Variants in RAPGEF5 observed in about 807,000 individuals in gnomAD.
RAPGEF5 encodes the protein M-Ras-regulated GEF.
In RAPGEF5, 65 loss-of-function variants were observed where a neutral mutation model predicts 125.2. The ratio of observed to expected loss-of-function variants is 0.52; its 90% CI spans 0.43 to 0.64. RAPGEF5 has a LOEUF of 0.64. RAPGEF5 is among the 30% of genes least tolerant of loss of function. The pLI is 0.00. For missense variants in RAPGEF5, 958 were observed against 1,048.1 expected (o/e 0.91, Z 1.19); for synonymous variants, 391 against 385.9 (o/e 1.01, Z -0.16).
At chr7:22,139,977 C>T in intron 21 of RAPGEF5, 48 bp downstream of exon 21, 1 of 1,453,834 alleles carries the variant, frequency 6.9e-7, no homozygotes, top group Non-Finnish European at 9.4e-7. Flanking sequence ...ATGTAAATTA[C>T]TTTATTTCCA....
chr7:22,190,846 A>T (rs1473919499), intron 11 of RAPGEF5, among the ~76,000 whole-genome samples: 19 of 152,192 alleles, frequency 1.2e-4, no homozygotes, highest in Admixed American at 1.2e-3. Flanking sequence ...CTCCAGGACC[A>T]TTCCTTTTCT....
At chr7:22,186,744 G>A (rs1254559572) in intron 11 of RAPGEF5, among the ~76,000 whole-genome samples, 3 of 152,154 alleles carry the variant, frequency 2.0e-5, no homozygotes, top group Non-Finnish European at 2.9e-5. Context: ...TAGAAGCAGT[G>A]TATAAAGCTA....
At chr7:22,233,683 C>A (rs1786116622) in intron 7 of RAPGEF5, among the ~76,000 whole-genome samples, 3 of 152,066 alleles carry the variant, frequency 2.0e-5, no homozygotes, top group African/African-American at 7.2e-5. Context: ...CAGGTATGAG[C>A]CACCTCACCT....
chr7:22,136,856 A>C, intron 22 of RAPGEF5, 77 bp downstream of exon 22: 2 of 1,234,990 alleles, frequency 1.6e-6, no homozygotes, highest in Non-Finnish European at 2.3e-6. Context: ...TACAAATACC[A>C]CCCACTATAA....
intron 12 of RAPGEF5, 43 bp from the exon 13 acceptor site, chr7:22,162,584 A>G: frequency 6.6e-7 from 1 of 1,526,036 alleles, no homozygotes; most frequent in African/African-American, 1.4e-5. Context: ...AAAATTTTAA[A>G]ATATGAAGAC....
At chr7:22,240,600 T>G (rs557071530) in intron 7 of RAPGEF5, among the ~76,000 whole-genome samples, 1 of 152,092 alleles carries the variant, frequency 6.6e-6, no homozygotes, top group African/African-American at 2.4e-5. Flanking sequence ...CTTGGACTCC[T>G]GACCTCAAGT....
chr7:22,302,808 G>A (rs1316262960), intron 5 of RAPGEF5, among the ~76,000 whole-genome samples: 7 of 135,762 alleles, frequency 5.2e-5, no homozygotes, highest in African/African-American at 2.0e-4. Flanking sequence ...CATTCTGCAG[G>A]ATGGCAGTTC....
intron 23 of RAPGEF5, among the ~76,000 whole-genome samples, chr7:22,134,930 A>G (rs561336725): frequency 6.6e-6 from 1 of 152,278 alleles, no homozygotes; most frequent in African/African-American, 2.4e-5. Flanking sequence ...CATTGTCCTA[A>G]TATTATATTC....
intron 11 of RAPGEF5, chr7:22,191,663 A>T (rs1380025171): frequency 2.1e-6 from 1 of 471,134 alleles, no homozygotes; most frequent in East Asian, 6.9e-5. Flanking sequence ...AGCAAGAATA[A>T]GTCACTAGAC....
At chr7:22,268,159 T>A (rs919585590) in intron 6 of RAPGEF5, among the ~76,000 whole-genome samples, 2 of 152,182 alleles carry the variant, frequency 1.3e-5, no homozygotes, top group East Asian at 3.9e-4. Context: ...TGCATAGTCT[T>A]GATTTAGCTG....
intron 6 of RAPGEF5, among the ~76,000 whole-genome samples, chr7:22,273,766 G>A (rs1782496479): frequency 1.3e-5 from 2 of 152,190 alleles, no homozygotes; most frequent in Non-Finnish European, 2.9e-5. Flanking sequence ...CATACTTTGA[G>A]TTAATGGGAG....
chr7:22,333,827 T>C (rs1228831496), intron 1 of RAPGEF5, among the ~76,000 whole-genome samples: 2 of 145,984 alleles, frequency 1.4e-5, no homozygotes, highest in African/African-American at 2.5e-5. Context: ...GCTCTTGTGC[T>C]GGCACCCAGA....
chr7:22,268,726 G>T (rs529475267), intron 6 of RAPGEF5, among the ~76,000 whole-genome samples: 17 of 152,278 alleles, frequency 1.1e-4, no homozygotes, highest in Non-Finnish European at 1.2e-4. Flanking sequence ...TGCTCACAAC[G>T]GATCGAAACC....
chr7:22,138,817 T>C (rs1278012099), intron 21 of RAPGEF5, among the ~76,000 whole-genome samples: 1 of 152,242 alleles, frequency 6.6e-6, no homozygotes, highest in Non-Finnish European at 1.5e-5. Flanking sequence ...CTCTCAATTT[T>C]TCCAAATCAG....
intron 1 of RAPGEF5, among the ~76,000 whole-genome samples, chr7:22,321,358 G>C (rs1783711924): frequency 6.6e-6 from 1 of 152,206 alleles, no homozygotes; most frequent in Admixed American, 6.5e-5. Flanking sequence ...ATGAAACTGA[G>C]TCTGAAGCAG....
At chr7:22,259,108 T>C (rs1289744187) in intron 7 of RAPGEF5, among the ~76,000 whole-genome samples, 4 of 152,132 alleles carry the variant, frequency 2.6e-5, no homozygotes, top group African/African-American at 7.2e-5. Context: ...ACAAAAGACA[T>C]ATCTGATAAA....
At chr7:22,160,738 A>G (rs952355531) in intron 13 of RAPGEF5, 123 bp from the exon 14 acceptor site, 4 of 1,181,270 alleles carry the variant, frequency 3.4e-6, no homozygotes, top group Non-Finnish European at 4.4e-6. Flanking sequence ...TACGGGTTTC[A>G]CCAGGTGCCA....
Position 22,145,235 on chromosome 7 carries a change from G to A in RAPGEF5, c.2008-13C>T. 2.5e-6 allele frequency: 4 copies of A among 1,599,812 alleles called. No individual in the cohort carries two copies. Among genetic ancestry groups the A allele is most frequent in the Non-Finnish European group, 3.4e-6 (4 of 1,171,752 alleles). Reference sequence around the variant, plus strand: ...AGATCAGCTCTTGCTGAAAGAAAATGTATTCATGCCAGGGTTTATTTATAG... The same window carrying A: ...AGATCAGCTCTTGCTGAAAGAAAATATATTCATGCCAGGGTTTATTTATAG... On this transcript the variant is annotated splice_polypyrimidine_tract_variant and intron_variant, in intron 19 of 25. Coordinates refer to ENST00000665637, the MANE Select transcript of RAPGEF5 (RefSeq NM_012294.5).
chr7:22,135,971 T>A, intron 23 of RAPGEF5, 67 bp downstream of exon 23: 1 of 1,328,416 alleles, frequency 7.5e-7, no homozygotes, highest in Non-Finnish European at 1.1e-6. Context: ...TTTTTTGCCC[T>A]CAATAGTTAC....
Sources: gnomAD v4.1 joint callset for allele counts (sites outside exome capture counted in the v4.1 genomes callset) on GRCh38, gnomAD v4.1.1 for gene constraint, MANE v1.5 for transcripts, NCBI Gene and HGNC (gene_info 2026-07-23, HGNC 2026-07-21) for gene names.